RUNX1: variants seen among roughly 807,000 people sequenced by gnomAD.
The protein encoded by RUNX1 is runt-related transcription factor 1.
Under a neutral mutation model 42.8 loss-of-function variants are expected in RUNX1, and 19 were observed. The observed-to-expected ratio is 0.44, with a 90% CI of 0.31 to 0.65. The LOEUF (loss-of-function observed/expected upper bound fraction) is 0.65. Among genes scored for constraint, RUNX1 ranks in the 30% least tolerant of loss-of-function variants. RUNX1 has a pLI of 0.07. For missense variants in RUNX1, 528 were observed against 672.0 expected (o/e 0.79, Z 2.37); for synonymous variants, 271 against 289.4 (o/e 0.94, Z 0.64).
At chr21:34,860,422 G>A (rs866389474) in intron 5 of RUNX1, among the ~76,000 whole-genome samples, 13 of 152,222 alleles carry the variant, frequency 8.5e-5, no homozygotes, top group Non-Finnish European at 1.3e-4. Context: ...ATGGTTACAT[G>A]CAAATTTTCC....
intron 7 of RUNX1, among the ~76,000 whole-genome samples, chr21:34,828,780 C>G (rs1435061410): frequency 6.6e-6 from 1 of 150,814 alleles, no homozygotes; most frequent in Non-Finnish European, 1.5e-5. Context: ...GACAGATGCT[C>G]TCTGCCCTTC....
At chr21:34,971,132 T>C (rs1003373631) in intron 2 of RUNX1, among the ~76,000 whole-genome samples, 8 of 152,210 alleles carry the variant, frequency 5.3e-5, no homozygotes, top group African/African-American at 1.9e-4. Flanking sequence ...ATGTATACTA[T>C]GCTGTGCTTA....
chr21:34,983,330 T>C (rs2058861306), intron 2 of RUNX1, among the ~76,000 whole-genome samples: 1 of 152,256 alleles, frequency 6.6e-6, no homozygotes, highest in Admixed American at 6.5e-5. Context: ...TCTCTCAAAC[T>C]CTTAACAGAC....
chr21:35,003,732 C>A (rs1450803713), intron 2 of RUNX1, among the ~76,000 whole-genome samples: 1 of 152,150 alleles, frequency 6.6e-6, no homozygotes, highest in Non-Finnish European at 1.5e-5. Flanking sequence ...GCAGATGCTT[C>A]CCTTAGGAAG....
chr21:34,878,503 G>A (rs1458586020), intron 5 of RUNX1, among the ~76,000 whole-genome samples: 2 of 152,050 alleles, frequency 1.3e-5, no homozygotes, highest in African/African-American at 2.4e-5. Flanking sequence ...GTGGGAAGGA[G>A]AGTCTGTTCA....
chr21:34,885,179 G>A (rs997833327), intron 4 of RUNX1, among the ~76,000 whole-genome samples: 1 of 152,106 alleles, frequency 6.6e-6, no homozygotes, highest in Non-Finnish European at 1.5e-5. Context: ...CCAAAAGGAA[G>A]CCACAAATCT....
In RUNX1 at chr21:34,930,239, T is replaced by TATACATGTATATATAATATATATACATG. The variant is rs1299650215; in HGVS notation, c.59-37277_59-37276insCATGTATATATATTATATATACATGTAT. Among the ~76,000 whole-genome samples, 4 of 130,598 alleles carry TATACATGTATATATAATATATATACATG rather than the reference T, an allele frequency of 3.1e-5. No homozygotes were observed. In the East Asian group the frequency reaches 8.1e-4, roughly 26 times the overall value. 85.7% of individuals were successfully genotyped at this position (130,598 alleles called of 152,430 possible). On this transcript the variant is annotated intron_variant, in intron 2 of 8. Transcript: ENST00000675419. ...CATGTATATATATTATATATACATA[T>TATACATGTATATATAATATATATACATG]TATATATGTATATTATACGTGTGTG... is the stretch of plus-strand genomic sequence containing the variant.
At chr21:34,976,338 T>C (rs2058801873) in intron 2 of RUNX1, among the ~76,000 whole-genome samples, 2 of 152,328 alleles carry the variant, frequency 1.3e-5, no homozygotes, top group South Asian at 2.1e-4. Flanking sequence ...TTTTTCATGA[T>C]CACTATCCTT....
chr21:34,965,116 T>C (rs982332531), intron 2 of RUNX1, among the ~76,000 whole-genome samples: 1 of 151,662 alleles, frequency 6.6e-6, no homozygotes, highest in African/African-American at 2.4e-5. Context: ...CATACACTCC[T>C]TTCCATGCAC....
intron 5 of RUNX1, among the ~76,000 whole-genome samples, chr21:34,869,401 A>G (rs1250270279): frequency 6.6e-6 from 1 of 152,168 alleles, no homozygotes; most frequent in Non-Finnish European, 1.5e-5. Flanking sequence ...CTCTTCTCAT[A>G]TTACATTATG....
At chr21:34,817,694 T>C (rs1181480756) in intron 7 of RUNX1, among the ~76,000 whole-genome samples, 2 of 152,304 alleles carry the variant, frequency 1.3e-5, no homozygotes, top group Non-Finnish European at 2.9e-5. Flanking sequence ...GCTCTCGCAG[T>C]AAAGAGTGGT....
intron 5 of RUNX1, among the ~76,000 whole-genome samples, chr21:34,864,129 C>A (rs528169023): frequency 6.6e-6 from 1 of 152,220 alleles, no homozygotes; most frequent in African/African-American, 2.4e-5. Context: ...CTGCCCTCCA[C>A]GTGGCCCTGC....
chr21:34,988,284 G>A (rs962488522), intron 2 of RUNX1, among the ~76,000 whole-genome samples: 1 of 152,138 alleles, frequency 6.6e-6, no homozygotes, highest in African/African-American at 2.4e-5. Flanking sequence ...GGACACAGCC[G>A]GGGGAAACAT....
chr21:34,974,740 A>C (rs145435280), intron 2 of RUNX1, among the ~76,000 whole-genome samples: 237 of 152,322 alleles, frequency 1.6e-3, no homozygotes, highest in South Asian at 3.1e-3. Context: ...TAAGGAACAG[A>C]ATGATTAACA....
intron 2 of RUNX1, among the ~76,000 whole-genome samples, chr21:35,019,120 G>A (rs1024245437): frequency 6.6e-6 from 1 of 152,156 alleles, no homozygotes; most frequent in Non-Finnish European, 1.5e-5. Flanking sequence ...ACCTGAACTG[G>A]TCAACCATCC....
chr21:35,038,269 G>A (rs532099209), intron 2 of RUNX1, among the ~76,000 whole-genome samples: 19 of 152,182 alleles, frequency 1.2e-4, no homozygotes, highest in African/African-American at 3.9e-4. Context: ...CCTGCTCCCC[G>A]ATCCCACCCC....
intron 2 of RUNX1, among the ~76,000 whole-genome samples, chr21:35,027,404 A>G (rs1340811096): frequency 2.0e-5 from 3 of 152,256 alleles, no homozygotes; most frequent in African/African-American, 7.2e-5. Context: ...CCCAGGTGGT[A>G]GTGATGCTGC....
chr21:35,045,434 G>C (rs2059389143), intron 2 of RUNX1, among the ~76,000 whole-genome samples: 2 of 152,144 alleles, frequency 1.3e-5, no homozygotes, highest in African/African-American at 4.8e-5. Context: ...CTCATAATTT[G>C]ACACTATTTG....
chr21:34,980,035 G>A (rs1015456483), intron 2 of RUNX1, among the ~76,000 whole-genome samples: 1 of 152,220 alleles, frequency 6.6e-6, no homozygotes, highest in Admixed American at 6.5e-5. Context: ...AATCCTGCAG[G>A]TTGGTGGAAG....
Sources: gnomAD v4.1 joint callset for allele counts (sites outside exome capture counted in the v4.1 genomes callset) on GRCh38, gnomAD v4.1.1 for gene constraint, MANE v1.5 for transcripts, NCBI Gene and HGNC (gene_info 2026-07-23, HGNC 2026-07-21) for gene names.